Variants in IFNAR1 observed in about 807,000 individuals in gnomAD.
IFNAR1 encodes interferon alpha/beta receptor 1.
A neutral mutation model predicts 62.1 loss-of-function variants in IFNAR1; 47 were observed. The ratio of observed to expected loss-of-function variants is 0.76; its 90% CI spans 0.60 to 0.97. IFNAR1 has a LOEUF of 0.97. IFNAR1 is among the 50% of genes least tolerant of loss of function. The probability of loss-of-function intolerance (pLI) is 0.00; values close to 1 mark genes in which losing one functional copy is unlikely to be tolerated. For missense variants in IFNAR1, 638 were observed against 654.5 expected (o/e 0.97, Z 0.27); for synonymous variants, 219 against 226.9 (o/e 0.97, Z 0.31).
chr21:33,339,142 G>A (rs2843996), intron 2 of IFNAR1, among the ~76,000 whole-genome samples: 118,662 of 152,148 alleles, frequency 0.78, 46,931 homozygotes, highest in African/African-American at 0.91. Flanking sequence ...ATCTCCTGAA[G>A]TAGGAAAGAC....
At chr21:33,340,578 G>T (rs935553680) in intron 2 of IFNAR1, among the ~76,000 whole-genome samples, 57 of 151,168 alleles carry the variant, frequency 3.8e-4, no homozygotes, top group African/African-American at 1.4e-3. Flanking sequence ...TGTTGACCAG[G>T]CTCCAAACTT....
At chr21:33,342,222 A>G (rs562919481) in intron 3 of IFNAR1, among the ~76,000 whole-genome samples, 1 of 152,092 alleles carries the variant, frequency 6.6e-6, no homozygotes, top group Non-Finnish European at 1.5e-5. Context: ...CAACCTAGGC[A>G]ACATAGTGAG....
At chr21:33,337,902 T>C (rs926213319) in intron 2 of IFNAR1, among the ~76,000 whole-genome samples, 6 of 152,166 alleles carry the variant, frequency 3.9e-5, no homozygotes, top group Admixed American at 2.0e-4. Context: ...CCAGTTTTGT[T>C]TTTTCCCTTA....
chr21:33,332,981 C>A (rs938868348), intron 1 of IFNAR1, among the ~76,000 whole-genome samples: 17 of 152,158 alleles, frequency 1.1e-4, no homozygotes, highest in African/African-American at 3.9e-4. Context: ...GAGAGAGATA[C>A]AGACATCCAG....
intron 2 of IFNAR1, among the ~76,000 whole-genome samples, chr21:33,340,445 AACC>A (rs1468374423): frequency 6.6e-6 from 1 of 151,940 alleles, no homozygotes; most frequent in Non-Finnish European, 1.5e-5. Context: ...TGCAGCCTTG[AACC>A]CCTATGCTCA....
intron 2 of IFNAR1, among the ~76,000 whole-genome samples, chr21:33,340,239 G>T (rs916750830): frequency 1.8e-4 from 27 of 152,144 alleles, no homozygotes; most frequent in African/African-American, 6.5e-4. Flanking sequence ...CTTTTGGAGA[G>T]GGCAGAGGAA....
chr21:33,352,009 G>T (rs866692242), intron 8 of IFNAR1, among the ~76,000 whole-genome samples: 1 of 151,958 alleles, frequency 6.6e-6, no homozygotes, highest in Non-Finnish European at 1.5e-5. Context: ...TTATTCTGGC[G>T]ATAGCTGACT....
intron 3 of IFNAR1, among the ~76,000 whole-genome samples, chr21:33,342,978 TTTTCC>T (rs1286071104): frequency 6.6e-6 from 1 of 152,222 alleles, no homozygotes; most frequent in Admixed American, 6.5e-5. Context: ...ATCACTCAGT[TTTTCC>T]TTTACTGGAT....
rs939484575 is a variant in IFNAR1, at chr21:33,357,567, C to G, written c.*2018C>G. ...TTTTGAGACAGTCTCATTCTGTTGC[C>G]CAGGCTGGAGTGCAGTGGCTTGATC... On this transcript the variant is annotated 3_prime_UTR_variant, in exon 11 of 11. Coordinates refer to ENST00000270139, the MANE Select transcript of IFNAR1 (RefSeq NM_000629.3). 1.3e-5 allele frequency: 2 copies of G among 149,942 alleles called. No individual in the cohort carries two copies. Among genetic ancestry groups the G allele is most frequent in the Non-Finnish European group, 2.9e-5 (2 of 68,054 alleles). 9.3% of individuals were successfully genotyped at this position (149,942 alleles called of 1,614,324 possible).
At chr21:33,353,609 T>C (rs2123272320) in intron 9 of IFNAR1, 29 bp from the exon 10 acceptor site, 1 of 1,365,812 alleles carries the variant, frequency 7.3e-7, no homozygotes, top group Non-Finnish European at 1.0e-6. Flanking sequence ...TGTCAAAATA[T>C]ATGCTAAATA....
At chr21:33,335,915 C>CT (rs200187308) in intron 2 of IFNAR1, among the ~76,000 whole-genome samples, 61,725 of 134,992 alleles carry the variant, frequency 0.46, 13,750 homozygotes, top group Middle Eastern at 0.58. Flanking sequence ...GTTCCAGCTT[C>CT]TTTTTTTTTT....
chr21:33,335,447 G>T (rs1336603132), intron 1 of IFNAR1, 77 bp from the exon 2 acceptor site: 5 of 757,712 alleles, frequency 6.6e-6, no homozygotes, highest in Admixed American at 3.2e-5. Flanking sequence ...TTTAATCAGG[G>T]ATGTGAGGGA....
rs1044460055 is a variant in IFNAR1, at chr21:33,358,599, A to G, written c.*3050A>G. 2.2e-4 allele frequency: 33 copies of G among 152,062 alleles called. No homozygotes were observed. Among genetic ancestry groups the G allele is most frequent in the African/African-American group, 7.7e-4 (32 of 41,388 alleles). 9.4% of individuals were successfully genotyped at this position (152,062 alleles called of 1,614,324 possible). A position where few individuals can be genotyped will look rare whatever the true frequency, so the allele number is the denominator to read the frequency against. ...TATTCCTTTAGTATGGACTTAAAGT[A>G]CTTATTCATATACCTTGTAACTAAA... On this transcript the variant is annotated 3_prime_UTR_variant, in exon 11 of 11. Coordinates refer to ENST00000270139, the MANE Select transcript of IFNAR1 (RefSeq NM_000629.3).
At chr21:33,332,330 T>C (rs1282677392) in intron 1 of IFNAR1, among the ~76,000 whole-genome samples, 2 of 152,126 alleles carry the variant, frequency 1.3e-5, no homozygotes, top group Non-Finnish European at 2.9e-5. Flanking sequence ...ACTGCATCTG[T>C]CAGGAAACAG....
intron 2 of IFNAR1, among the ~76,000 whole-genome samples, chr21:33,337,849 T>C (rs564138912): frequency 1.3e-5 from 2 of 152,114 alleles, no homozygotes; most frequent in South Asian, 4.1e-4. Context: ...TAAAATTTTT[T>C]ATCTCTAGAG....
At chr21:33,335,716 A>G in intron 2 of IFNAR1, 69 bp downstream of exon 2, 1 of 1,226,232 alleles carries the variant, frequency 8.2e-7, no homozygotes, top group Non-Finnish European at 1.1e-6. Context: ...CAACACCATA[A>G]TTTTTAGATT....
chr21:33,329,143 C>T (rs2083154338), intron 1 of IFNAR1, among the ~76,000 whole-genome samples: 1 of 151,972 alleles, frequency 6.6e-6, no homozygotes, highest in Non-Finnish European at 1.5e-5. Flanking sequence ...GATTTTTTTT[C>T]TCCCTGAGGA....
In IFNAR1 at chr21:33,359,567, A is replaced by G. The variant is rs913312565; in HGVS notation, c.*4018A>G. On this transcript the variant is annotated 3_prime_UTR_variant, in exon 11 of 11. Coordinates refer to ENST00000270139, the MANE Select transcript of IFNAR1 (RefSeq NM_000629.3). The stretch of plus-strand genomic sequence containing the variant: ...TGAATGAAGTTTGCTGTGGTATTGC[A>G]TAGCCTTGCTTTCTTGAACTAAACT... 5.3e-5 allele frequency: 8 copies of G among 152,212 alleles called. No individual in the cohort carries two copies. Among genetic ancestry groups the G allele is most frequent in the Non-Finnish European group, 1.2e-4 (8 of 68,048 alleles). The allele number at this position is 152,212 out of a possible 1,614,324, so 9.4% of individuals were successfully genotyped here. A position where few individuals can be genotyped will look rare whatever the true frequency, so the allele number is the denominator to read the frequency against.
intron 8 of IFNAR1, 56 bp downstream of exon 8, chr21:33,349,599 T>G: frequency 7.8e-7 from 1 of 1,283,018 alleles, no homozygotes; most frequent in Non-Finnish European, 1.1e-6. Context: ...ATGATTTGGG[T>G]AAATAAAGCT....
Sources: gnomAD v4.1 joint callset for allele counts (sites outside exome capture counted in the v4.1 genomes callset) on GRCh38, gnomAD v4.1.1 for gene constraint, MANE v1.5 for transcripts, NCBI Gene and HGNC (gene_info 2026-07-23, HGNC 2026-07-21) for gene names.